ZNF429: variants seen among roughly 807,000 people sequenced by gnomAD.
ZNF429 encodes zinc finger protein 429.
ZNF429 carries 53 observed loss-of-function variants against 56.8 expected under a neutral mutation model. The ratio of observed to expected loss-of-function variants is 0.93; its 90% CI spans 0.75 to 1.17. The LOEUF (loss-of-function observed/expected upper bound fraction) is 1.17. Ranked by LOEUF, ZNF429 falls within the 50% of genes most tolerant of loss-of-function variation. ZNF429 has a pLI of 0.00. For missense variants in ZNF429, 849 were observed against 788.4 expected (o/e 1.08, Z -0.92); for synonymous variants, 278 against 264.7 (o/e 1.05, Z -0.49).
At chr19:21,526,720 TAATC>T (rs903768253) in intron 1 of ZNF429, among the ~76,000 whole-genome samples, 69 of 152,342 alleles carry the variant, frequency 4.5e-4, no homozygotes, top group African/African-American at 1.6e-3. Context: ...ACCCAATTAA[TAATC>T]AATTTTTTTT....
intron 1 of ZNF429, among the ~76,000 whole-genome samples, chr19:21,516,386 C>T (rs1026288917): frequency 2.6e-5 from 4 of 152,082 alleles, no homozygotes; most frequent in Non-Finnish European, 5.9e-5. Context: ...CATGCCCAGC[C>T]GCTTTGTTCT....
chr19:21,516,149 A>T (rs1025553886), intron 1 of ZNF429, among the ~76,000 whole-genome samples: 2 of 151,270 alleles, frequency 1.3e-5, no homozygotes, highest in Non-Finnish European at 2.9e-5. Context: ...GCTCACTGCA[A>T]CCTCTGCCTC....
chr19:21,536,316 A>C lies in ZNF429; in HGVS notation c.263A>C (p.Glu88Ala). The change falls in exon 4 of 4, where the codon GAG becomes GCG. Residue 88 changes from glutamate (E) to alanine (A), a missense_variant. By Grantham distance (107) the Glu-to-Ala change is moderately radical (BLOSUM62 -1). Coordinates refer to ENST00000358491, the MANE Select transcript of ZNF429 (RefSeq NM_001001415.4). Reference sequence around the variant, plus strand: ...CATTTTGCTGAAGACTTTTGGCCAGAGCAAGACATAAAAGATTCTTTCCAA... The same window carrying C: ...CATTTTGCTGAAGACTTTTGGCCAGCGCAAGACATAAAAGATTCTTTCCAA... ...CSHFAEDFWP[E>A]QDIKDSFQKV... The C allele has an allele frequency of 6.2e-7, 1 of 1,605,016 alleles. No homozygotes were observed. Among genetic ancestry groups the C allele is most frequent in the Non-Finnish European group, 8.5e-7 (1 of 1,176,840 alleles).
rs941211427 is a variant in ZNF429, at chr19:21,540,158, A to G, written c.*2080A>G. ...AATTTTTAAATTATATGTAAATTTGATTTTATTTGTTACCATGTTAAGACT... is the reference window on the plus strand; with the variant it reads ...AATTTTTAAATTATATGTAAATTTGGTTTTATTTGTTACCATGTTAAGACT... On this transcript the variant is annotated 3_prime_UTR_variant, in exon 4 of 4. Transcript: ENST00000358491. 6.6e-6 allele frequency among the ~76,000 whole-genome samples: 1 copy of G among 152,138 alleles called. No homozygotes were observed. Among genetic ancestry groups the G allele is most frequent in the African/African-American group, 2.4e-5 (1 of 41,436 alleles).
rs1373543876 is a variant in ZNF429 at position 21,529,454 on chromosome 19, T to C, written c.4-204T>C. The C allele has an allele frequency of 5.5e-6, 5 of 917,136 alleles. No individual in the cohort carries two copies. The African/African-American group carries it at 9.0e-5, about 16-fold the overall frequency. The allele number at this position is 917,136 out of a possible 1,614,324, so 56.8% of individuals were successfully genotyped here. ...TGTTGTGGATCTTATGCCACTATTT[T>C]CTCAAAGTTAGAGAATATATTAGAG... is the stretch of plus-strand genomic sequence containing the variant. On this transcript the variant is annotated intron_variant, in intron 1 of 3. Coordinates refer to ENST00000358491, the MANE Select transcript of ZNF429 (RefSeq NM_001001415.4).
intron 3 of ZNF429, among the ~76,000 whole-genome samples, chr19:21,534,697 T>C: frequency 6.6e-6 from 1 of 152,170 alleles, no homozygotes; most frequent in Non-Finnish European, 1.5e-5. Flanking sequence ...TAAGACTTGA[T>C]TTGTGTCCTA....
intron 1 of ZNF429, among the ~76,000 whole-genome samples, chr19:21,515,482 A>G (rs771359975): frequency 7.9e-5 from 12 of 152,074 alleles, no homozygotes; most frequent in Admixed American, 1.3e-4. Flanking sequence ...AATTCTGGAT[A>G]TTAGACCTTT....
intron 3 of ZNF429, among the ~76,000 whole-genome samples, chr19:21,531,106 CAAAAAAAAAAAA>C: frequency 5.7e-5 from 1 of 17,560 alleles, no homozygotes; most frequent in Non-Finnish European, 9.8e-5. Flanking sequence ...AACTCCATCT[CAAAAAAAAAAAA>C]AAAAAAAAAA....
chr19:21,531,400 G>A, intron 3 of ZNF429, among the ~76,000 whole-genome samples: 3 of 152,066 alleles, frequency 2.0e-5, no homozygotes, highest in Non-Finnish European at 2.9e-5. Flanking sequence ...TTGAAGAGGT[G>A]TCTGCTTCTT....
At position 21,540,504 on chromosome 19, in the gene ZNF429, A is replaced by G. The variant is rs114624519; in HGVS notation, c.*2426A>G. Reference sequence around the variant, plus strand: ...ATAATTACATCAATTACATCAGGGTAAATTATGTAGCCATTACTTGTAACA... The same window carrying G: ...ATAATTACATCAATTACATCAGGGTGAATTATGTAGCCATTACTTGTAACA... On this transcript the variant is annotated 3_prime_UTR_variant, in exon 4 of 4. Transcript: ENST00000358491. 0.016 allele frequency among the ~76,000 whole-genome samples: 2,437 copies of G among 152,228 alleles called. 72 individuals are homozygous for G. The highest frequency in any genetic ancestry group is 0.055 in the African/African-American group (2,270 of 41,552).
chr19:21,529,650 T>A lies in ZNF429; in HGVS notation c.4-8T>A. Reference sequence around the variant, plus strand: ...CTCTCTCCTTCTGTTGGTGTGTGTGTGTTTCAGGGACCATTGACATTTACA... The same window carrying A: ...CTCTCTCCTTCTGTTGGTGTGTGTGAGTTTCAGGGACCATTGACATTTACA... On this transcript the variant is annotated splice_polypyrimidine_tract_variant and splice_region_variant and intron_variant, in intron 1 of 3. Transcript: ENST00000358491. 6.4e-7 allele frequency: 1 copy of A among 1,553,410 alleles called. No individual in the cohort carries two copies. The highest frequency in any genetic ancestry group is 2.3e-5 in the East Asian group (1 of 42,654).
At chr19:21,515,677 T>C (rs999975366) in intron 1 of ZNF429, among the ~76,000 whole-genome samples, 3 of 152,216 alleles carry the variant, frequency 2.0e-5, no homozygotes, top group Non-Finnish European at 4.4e-5. Flanking sequence ...CATAAAACTT[T>C]GCCAGTTCCT....
Position 21,538,232 on chromosome 19 carries a change from C to G in ZNF429, c.*154C>G, listed in dbSNP as rs2033798359. Among the ~76,000 whole-genome samples the G allele has an allele frequency of 8.1e-6, 1 of 123,322 alleles. No homozygotes were observed. The highest frequency in any genetic ancestry group is 1.6e-5 in the Non-Finnish European group (1 of 63,066). The allele number at this position is 123,322 out of a possible 152,430, so 80.9% of individuals were successfully genotyped here. ...GGTGGAGCTTGCATTGAGCCAAGATCACACCACTGCACTCCAGCCTGGGTG... is the reference window on the plus strand; with the variant it reads ...GGTGGAGCTTGCATTGAGCCAAGATGACACCACTGCACTCCAGCCTGGGTG... On this transcript the variant is annotated 3_prime_UTR_variant, in exon 4 of 4. Coordinates refer to ENST00000358491, the MANE Select transcript of ZNF429 (RefSeq NM_001001415.4).
chr19:21,505,849 C>T, intron 1 of ZNF429, 75 bp downstream of exon 1: 1 of 1,534,908 alleles, frequency 6.5e-7, no homozygotes, highest in East Asian at 2.3e-5. Flanking sequence ...CCGTGGCGGA[C>T]TTAGGTCTCC....
At chr19:21,529,183 T>A (rs2033278875) in intron 1 of ZNF429, 1 of 152,514 alleles carries the variant, frequency 6.6e-6, no homozygotes, top group Non-Finnish European at 1.5e-5. Flanking sequence ...GTGAGCTTGT[T>A]AGAAATTCAG....
At position 21,506,439 on chromosome 19, in the gene ZNF429, C is replaced by CAA. The variant is rs368469112; in HGVS notation, c.3+667_3+668dup. 1.1e-3 allele frequency among the ~76,000 whole-genome samples: 46 copies of CAA among 41,050 alleles called. 3 individuals carry two copies. Among genetic ancestry groups the CAA allele is most frequent in the Middle Eastern group, 0.016 (1 of 64 alleles). The allele number at this position is 41,050 out of a possible 152,430, so 26.9% of individuals were successfully genotyped here. ...GCTGGTTGACACAATGAGACTATCT[C>CAA]AAACAAAAAAAAAAAAAAAAAAGGG... On this transcript the variant is annotated intron_variant, in intron 1 of 3. Coordinates refer to ENST00000358491, the MANE Select transcript of ZNF429 (RefSeq NM_001001415.4).
At chr19:21,507,153 C>T (rs755521521) in intron 1 of ZNF429, among the ~76,000 whole-genome samples, 3 of 152,150 alleles carry the variant, frequency 2.0e-5, no homozygotes, top group Non-Finnish European at 4.4e-5. Context: ...TCACTCCCTA[C>T]ACAAAACTGA....
chr19:21,524,211 A>G (rs2033082747), intron 1 of ZNF429, among the ~76,000 whole-genome samples: 1 of 152,230 alleles, frequency 6.6e-6, no homozygotes. Context: ...ATCCAGAGCC[A>G]TAACACAACT....
intron 3 of ZNF429, among the ~76,000 whole-genome samples, chr19:21,532,561 A>G: frequency 6.6e-6 from 1 of 152,214 alleles, no homozygotes; most frequent in South Asian, 2.1e-4. Flanking sequence ...ATGAAAAAGC[A>G]GTCAGATTAT....
Sources: gnomAD v4.1 joint callset for allele counts (sites outside exome capture counted in the v4.1 genomes callset) on GRCh38, gnomAD v4.1.1 for gene constraint, MANE v1.5 for transcripts, NCBI Gene and HGNC (gene_info 2026-07-23, HGNC 2026-07-21) for gene names.